The following ASIC2 variants were observed in gnomAD, a reference collection of about 807,000 sequenced individuals.
The protein encoded by ASIC2 is acid-sensing ion channel 2.
In ASIC2, 25 loss-of-function variants were observed where a neutral mutation model predicts 57.3. The observed-to-expected ratio is 0.44, with a 90% CI of 0.32 to 0.61. The LOEUF (loss-of-function observed/expected upper bound fraction) is 0.61. ASIC2 is among the 20% of genes least tolerant of loss of function. The pLI, the probability that ASIC2 is intolerant of heterozygous loss-of-function variation, is 0.06. For missense variants in ASIC2, 641 were observed against 738.1 expected (o/e 0.87, Z 1.52); for synonymous variants, 319 against 307.5 (o/e 1.04, Z -0.39).
intron 1 of ASIC2, among the ~76,000 whole-genome samples, chr17:33,719,843 C>T (rs912859434): frequency 1.3e-5 from 2 of 152,116 alleles, no homozygotes; most frequent in Non-Finnish European, 2.9e-5. Context: ...GGCCGCACAG[C>T]GAGAATGAAT....
At chr17:33,316,080 C>A (rs1906633186) in intron 1 of ASIC2, among the ~76,000 whole-genome samples, 2 of 152,194 alleles carry the variant, frequency 1.3e-5, no homozygotes, top group Admixed American at 1.3e-4. Context: ...TAAGTTGGAT[C>A]AATTTTATTC....
intron 1 of ASIC2, among the ~76,000 whole-genome samples, chr17:33,550,601 A>G (rs569046388): frequency 5.9e-5 from 9 of 152,358 alleles, no homozygotes; most frequent in African/African-American, 2.2e-4. Flanking sequence ...TCCTGTCTAT[A>G]TCACCTACTG....
At chr17:33,418,665 G>T (rs758649442) in intron 1 of ASIC2, among the ~76,000 whole-genome samples, 3 of 152,148 alleles carry the variant, frequency 2.0e-5, no homozygotes, top group Non-Finnish European at 4.4e-5. Flanking sequence ...GTTTGTCAAA[G>T]ATCAGATGGT....
intron 1 of ASIC2, among the ~76,000 whole-genome samples, chr17:33,765,272 A>T: frequency 6.6e-6 from 1 of 150,990 alleles, no homozygotes; most frequent in East Asian, 2.0e-4. Context: ...CGCCCAGCTA[A>T]TTTTTTTTTG....
At chr17:34,069,381 C>G (rs9891675) in intron 1 of ASIC2, 103,255 of 144,002 alleles carry the variant, frequency 0.72, 36,518 homozygotes, top group Middle Eastern at 0.79. Context: ...TCCTTTTTTT[C>G]TCTTTCTTTT....
intron 1 of ASIC2, among the ~76,000 whole-genome samples, chr17:33,189,982 CAA>C (rs1232789741): frequency 3.9e-5 from 6 of 152,074 alleles, no homozygotes; most frequent in Non-Finnish European, 7.4e-5. Context: ...AAGGATGAGA[CAA>C]AGTGTCTGCT....
At chr17:33,765,126 G>C (rs1044696223) in intron 1 of ASIC2, among the ~76,000 whole-genome samples, 1 of 151,504 alleles carries the variant, frequency 6.6e-6, no homozygotes, top group Non-Finnish European at 1.5e-5. Flanking sequence ...TTTTTTTTGA[G>C]ACGGAGTCTC....
chr17:33,148,049 C>A (rs910039188), intron 1 of ASIC2, among the ~76,000 whole-genome samples: 1 of 152,182 alleles, frequency 6.6e-6, no homozygotes, highest in African/African-American at 2.4e-5. Context: ...TAGAACCAGG[C>A]TTTTCATTTA....
At chr17:33,325,805 T>C (rs931098637) in intron 1 of ASIC2, among the ~76,000 whole-genome samples, 3 of 151,658 alleles carry the variant, frequency 2.0e-5, no homozygotes, top group Admixed American at 6.6e-5. Context: ...AGTGGAGAGA[T>C]TTGAACTATA....
chr17:33,636,200 TACA>T (rs1906358471), intron 1 of ASIC2, among the ~76,000 whole-genome samples: 1 of 152,228 alleles, frequency 6.6e-6, no homozygotes, highest in African/African-American at 2.4e-5. Context: ...AAATAAAACA[TACA>T]GGGAAAGGTG....
At chr17:33,502,609 G>A (rs1332388232) in intron 1 of ASIC2, among the ~76,000 whole-genome samples, 1 of 152,160 alleles carries the variant, frequency 6.6e-6, no homozygotes, top group South Asian at 2.1e-4. Flanking sequence ...TCAACGACTG[G>A]AGTAGACCTG....
chr17:33,366,326 T>A (rs1298497812), intron 1 of ASIC2, among the ~76,000 whole-genome samples: 1 of 152,244 alleles, frequency 6.6e-6, no homozygotes, highest in African/African-American at 2.4e-5. Context: ...TTCTTCACTG[T>A]CTTTCTCTCC....
intron 1 of ASIC2, among the ~76,000 whole-genome samples, chr17:33,877,734 C>T (rs990295317): frequency 3.9e-5 from 6 of 152,350 alleles, no homozygotes; most frequent in African/African-American, 1.4e-4. Context: ...CTTAAATGTC[C>T]CTGTATGACA....
chr17:33,757,885 C>T (rs1470956535), intron 1 of ASIC2, among the ~76,000 whole-genome samples: 1 of 152,192 alleles, frequency 6.6e-6, no homozygotes, highest in East Asian at 1.9e-4. Context: ...GAGGCTGCAA[C>T]CTCAGAGGCC....
chr17:34,002,408 C>T (rs1906376408), intron 1 of ASIC2: 1 of 152,230 alleles, frequency 6.6e-6, no homozygotes, highest in Non-Finnish European at 1.5e-5. Flanking sequence ...TGGATCCAGG[C>T]TTCAGATTTT....
intron 1 of ASIC2, among the ~76,000 whole-genome samples, chr17:34,154,786 C>A (rs114731414): frequency 1.0e-3 from 159 of 152,284 alleles, no homozygotes; most frequent in African/African-American, 3.7e-3. Flanking sequence ...TTTGGCTCAA[C>A]GTTCTGAGAC....
intron 1 of ASIC2, among the ~76,000 whole-genome samples, chr17:33,288,075 C>T (rs950550496): frequency 3.3e-5 from 5 of 152,038 alleles, no homozygotes; most frequent in African/African-American, 7.2e-5. Context: ...TGTTGGGTGC[C>T]GGAGGCAGCA....
chr17:34,075,760 T>TA (rs2010018818), intron 1 of ASIC2, among the ~76,000 whole-genome samples: 1 of 151,922 alleles, frequency 6.6e-6, no homozygotes, highest in Non-Finnish European at 1.5e-5. Context: ...CACCGGCTGT[T>TA]ATCTTGGTTC....
At chr17:33,021,343 T>G in intron 6 of ASIC2, 33 bp from the exon 7 acceptor site, 1 of 1,511,420 alleles carries the variant, frequency 6.6e-7, no homozygotes, top group Non-Finnish European at 9.1e-7. Context: ...CATACATGGT[T>G]AGAGCTATCA....
Sources: gnomAD v4.1 joint callset for allele counts (sites outside exome capture counted in the v4.1 genomes callset) on GRCh38, gnomAD v4.1.1 for gene constraint, MANE v1.5 for transcripts, NCBI Gene and HGNC (gene_info 2026-07-23, HGNC 2026-07-21) for gene names.